Variants in GLIS3 observed in about 807,000 individuals in gnomAD.
The protein encoded by GLIS3 is zinc finger protein GLIS3.
A neutral mutation model predicts 78.6 loss-of-function variants in GLIS3; 53 were observed. That is an observed-to-expected ratio of 0.67 (90% CI 0.54 to 0.85). GLIS3 has a LOEUF of 0.85. GLIS3 is among the 40% of genes least tolerant of loss of function. GLIS3 has a pLI of 0.00. For missense variants in GLIS3, 1,703 were observed against 1,231.1 expected (o/e 1.38, Z -5.74); for synonymous variants, 684 against 509.9 (o/e 1.34, Z -4.60).
chr9:4,431,717 G>A, the GLIS3 span, among the ~76,000 whole-genome samples: 302 of 152,212 alleles, frequency 2.0e-3, no homozygotes, highest in Admixed American at 3.7e-3. Flanking sequence ...GGTGGCACAT[G>A]CCTGTAATCC....
intron 1 of GLIS3, among the ~76,000 whole-genome samples, chr9:4,297,181 A>C (rs1043816871): frequency 5.3e-5 from 8 of 152,170 alleles, no homozygotes; most frequent in Admixed American, 3.9e-4. Context: ...ACAGAGGGTG[A>C]AACAGAAGTC....
chr9:4,437,756 C>G, the GLIS3 span, among the ~76,000 whole-genome samples: 1 of 152,202 alleles, frequency 6.6e-6, no homozygotes, highest in Non-Finnish European at 1.5e-5. Context: ...TCTTCCTCCT[C>G]TTCCTCAGCC....
intron 4 of GLIS3, among the ~76,000 whole-genome samples, chr9:4,021,554 G>A (rs1163971920): frequency 8.6e-5 from 13 of 152,044 alleles, no homozygotes; most frequent in Non-Finnish European, 1.9e-4. Flanking sequence ...TTTATTTTGT[G>A]CTTTACAAAT....
intron 9 of GLIS3, among the ~76,000 whole-genome samples, chr9:3,841,492 A>G (rs1044509105): frequency 2.0e-5 from 3 of 152,198 alleles, no homozygotes; most frequent in African/African-American, 7.2e-5. Flanking sequence ...AGAATCCTCA[A>G]CGTGGGAAGG....
chr9:4,374,171 G>A, the GLIS3 span, among the ~76,000 whole-genome samples: 1 of 152,202 alleles, frequency 6.6e-6, no homozygotes, highest in Non-Finnish European at 1.5e-5. Flanking sequence ...AACTGCTTCA[G>A]TGATACTGCC....
intron 3 of GLIS3, among the ~76,000 whole-genome samples, chr9:4,123,505 A>C (rs771479880): frequency 2.6e-4 from 39 of 152,200 alleles, no homozygotes; most frequent in Non-Finnish European, 4.6e-4. Context: ...AGAATGGGAA[A>C]CAACTAAGTG....
At chr9:4,235,247 C>G (rs10974405) in intron 2 of GLIS3, among the ~76,000 whole-genome samples, 1 of 142,746 alleles carries the variant, frequency 7.0e-6, no homozygotes, top group African/African-American at 2.7e-5. Context: ...TGCAGTGATC[C>G]GAGATTGCAC....
chr9:4,087,604 G>C (rs1484690163), intron 4 of GLIS3, among the ~76,000 whole-genome samples: 1 of 152,052 alleles, frequency 6.6e-6, no homozygotes, highest in Non-Finnish European at 1.5e-5. Flanking sequence ...GCCTCATAGA[G>C]CTTAAAAATA....
chr9:4,158,302 A>G (rs978808128), intron 2 of GLIS3, among the ~76,000 whole-genome samples: 1 of 152,132 alleles, frequency 6.6e-6, no homozygotes, highest in Non-Finnish European at 1.5e-5. Context: ...CAGTAAACAC[A>G]TGTTTGCCAT....
the GLIS3 span, among the ~76,000 whole-genome samples, chr9:4,435,903 C>T: frequency 5.9e-5 from 9 of 152,144 alleles, no homozygotes; most frequent in East Asian, 9.6e-4. Flanking sequence ...GAGCCAAGAT[C>T]GTGCCACTGC....
chr9:4,065,316 T>G (rs1241004395), intron 4 of GLIS3, among the ~76,000 whole-genome samples: 1 of 152,170 alleles, frequency 6.6e-6, no homozygotes, highest in Non-Finnish European at 1.5e-5. Context: ...GAACAAAGGA[T>G]GATTCAAGAG....
chr9:4,323,580 C>G (rs1418118778), intron 2 of GLIS3, among the ~76,000 whole-genome samples: 1 of 152,198 alleles, frequency 6.6e-6, no homozygotes, highest in Non-Finnish European at 1.5e-5. Flanking sequence ...GATCTCAGCT[C>G]AGGCATCATT....
At chr9:3,888,849 TTTATC>T (rs1822245015) in intron 7 of GLIS3, among the ~76,000 whole-genome samples, 1 of 152,168 alleles carries the variant, frequency 6.6e-6, no homozygotes, top group African/African-American at 2.4e-5. Flanking sequence ...TGTAAAGGCT[TTTATC>T]TGTATCTGGA....
intron 8 of GLIS3, among the ~76,000 whole-genome samples, chr9:3,858,084 G>A (rs1588098945): frequency 2.0e-5 from 3 of 152,262 alleles, no homozygotes; most frequent in Non-Finnish European, 1.5e-5. Context: ...CATTGCTGGT[G>A]TCCCAGTTTT....
chr9:4,119,044 G>C (rs1447263426), intron 3 of GLIS3, among the ~76,000 whole-genome samples, 163 bp from the exon 4 acceptor site: 1 of 152,110 alleles, frequency 6.6e-6, no homozygotes, highest in Non-Finnish European at 1.5e-5. Context: ...AAAATCCAAG[G>C]CTTCCAGTTC....
At chr9:4,350,597 G>T (rs1003809280), upstream of GLIS3, among the ~76,000 whole-genome samples, 1 of 151,982 alleles carries the variant, frequency 6.6e-6, no homozygotes, top group African/African-American at 2.4e-5. Context: ...TTTTGGGGTG[G>T]GGATAAGGAA....
At chr9:4,384,899 T>G in the GLIS3 span, among the ~76,000 whole-genome samples, 1 of 152,138 alleles carries the variant, frequency 6.6e-6, no homozygotes, top group African/African-American at 2.4e-5. Context: ...AGCCAGACAC[T>G]GTTGCACAAC....
chr9:4,396,570 T>G, the GLIS3 span, among the ~76,000 whole-genome samples: 424 of 152,362 alleles, frequency 2.8e-3, 2 homozygotes, highest in African/African-American at 9.6e-3. Flanking sequence ...TCATTTCCTC[T>G]TTTTCATTGA....
the GLIS3 span, among the ~76,000 whole-genome samples, chr9:4,451,096 G>A: frequency 1.3e-5 from 2 of 152,166 alleles, no homozygotes; most frequent in Non-Finnish European, 2.9e-5. Context: ...GCTGTATTCA[G>A]GAAACCCATC....
Sources: allele counts gnomAD v4.1 joint callset (sites outside exome capture counted in the v4.1 genomes callset), GRCh38; gene constraint gnomAD v4.1.1; transcripts MANE v1.5; gene names NCBI Gene and HGNC (gene_info 2026-07-23, HGNC 2026-07-21).